The following HSPBP1 variants were observed in gnomAD, a reference collection of about 807,000 sequenced individuals.
HSPBP1 encodes hsp70-binding protein 1.
Under a neutral mutation model 41.7 loss-of-function variants are expected in HSPBP1, and 31 were observed. The ratio of observed to expected loss-of-function variants is 0.74; its 90% CI spans 0.56 to 1.00. The LOEUF is 1.00. HSPBP1 is among the 50% of genes least tolerant of loss of function. HSPBP1 has a pLI of 0.00. For synonymous variants in HSPBP1, 199 were observed against 214.4 expected (o/e 0.93, Z 0.63); for missense variants, 439 against 487.9 (o/e 0.90, Z 0.94).
rs776728065 is a variant in HSPBP1, at chr19:55,274,615, G to A, written c.423C>T (p.Cys141=). The part of the protein sequence containing the change: ...CENMDNAADF[C]QLSGMHLLVG... ...CCAGCAGGTGCATGCCAGACAGCTG[G>A]CAGAAGTCTGTGCCACAGAGGGGAG... The change falls in exon 4 of 8, where the codon TGC becomes TGT. Residue 141 remains cysteine, a synonymous_variant. Coordinates refer to ENST00000433386, the MANE Select transcript of HSPBP1 (RefSeq NM_012267.5). 7.5e-6 allele frequency: 12 copies of A among 1,604,202 alleles called. No homozygotes were observed. The highest frequency in any genetic ancestry group is 1.3e-5 in the African/African-American group (1 of 74,882).
At chr19:55,274,347 A>AC (rs11427517) in intron 4 of HSPBP1, 51 bp downstream of exon 4, 109,153 of 324,062 alleles carry the variant, frequency 0.34, 11,399 homozygotes, top group East Asian at 0.52. Context: ...CCCACCCGGC[A>AC]CCCCCCCCCA....
Position 55,262,385 on chromosome 19 carries a change from T to C in HSPBP1, c.*223A>G. ...AGAAACACCTTTATTGGAAGAGCTG[T>C]GTGGACAAGAGAACGGGGATGAGAG... is the stretch of plus-strand genomic sequence containing the variant. On this transcript the variant is annotated 3_prime_UTR_variant, in exon 8 of 8. Coordinates refer to ENST00000433386, the MANE Select transcript of HSPBP1 (RefSeq NM_012267.5). 1 of 1,374,056 alleles carries C rather than the reference T, an allele frequency of 7.3e-7. No individual in the cohort carries two copies. The highest frequency in any genetic ancestry group is 3.1e-5 in the Admixed American group (1 of 32,580). The allele number at this position is 1,374,056 out of a possible 1,614,324, so 85.1% of individuals were successfully genotyped here.
chr19:55,277,744 G>A lies in HSPBP1; in HGVS notation c.313C>T (p.Pro105Ser), dbSNP rs2088113847. The change falls in exon 3 of 8, where the codon CCC (proline) becomes TCC (serine). Residue 105 changes from proline to serine, a missense_variant. Physicochemically the swap from Pro to Ser is moderately conservative, Grantham distance 74 (BLOSUM62 -1). Transcript: ENST00000433386. ...SCLRVLSQPM[P>S]PTAGEAEQAA... ...TGCTCGGCCTCCCCAGCAGTGGGGG[G>A]CATGGGCTGTGACAGCACTCGGAGG... The A allele has an allele frequency of 6.2e-7, 1 of 1,608,006 alleles. No individual in the cohort carries two copies.
chr19:55,266,254 G>A lies in HSPBP1; in HGVS notation c.673C>T (p.Gln225Ter). Residue 225 changes from glutamine to a stop codon, truncating the protein, a stop_gained, in exon 5 of 8, where the codon CAG becomes TAG. Coordinates refer to ENST00000433386, the MANE Select transcript of HSPBP1 (RefSeq NM_012267.5). LOFTEE classifies it high-confidence loss of function. The part of the protein sequence containing the change: ...LVREQEAGLL[Q>*]FLRLDGFSVL... ...GAGAAGCCGTCCAGGCGGAGGAACT[G>A]CAGCAGCCCAGCCTCCTGCTCTCGG... The A allele has an allele frequency of 1.9e-6, 3 of 1,582,774 alleles. No individual in the cohort carries two copies. The highest frequency in any genetic ancestry group is 2.6e-6 in the Non-Finnish European group (3 of 1,164,822).
intron 3 of HSPBP1, among the ~76,000 whole-genome samples, chr19:55,275,644 T>C (rs2122872850): frequency 6.6e-6 from 1 of 151,916 alleles, no homozygotes. Context: ...TGTTATATAC[T>C]AAAAATACAA....
At chr19:55,269,451 G>T (rs1292198014) in intron 4 of HSPBP1, among the ~76,000 whole-genome samples, 1 of 152,054 alleles carries the variant, frequency 6.6e-6, no homozygotes, top group Non-Finnish European at 1.5e-5. Flanking sequence ...TGGGGGCAGG[G>T]ATCACAGTAT....
intron 7 of HSPBP1, among the ~76,000 whole-genome samples, chr19:55,264,809 C>T (rs1379453828): frequency 1.3e-5 from 2 of 152,172 alleles, no homozygotes; most frequent in Non-Finnish European, 2.9e-5. Context: ...AAATAAACAT[C>T]TGCTGAATGG....
chr19:55,274,408 G>C lies in HSPBP1; in HGVS notation c.630C>G (p.Phe210Leu), dbSNP rs750447388. The C allele has an allele frequency of 3.2e-6, 5 of 1,562,250 alleles. No homozygotes were observed. Among genetic ancestry groups the C allele is most frequent in the Non-Finnish European group, 3.4e-6 (4 of 1,161,626 alleles). ...ACDTVRVKALFAISCLVREQE... is the reference protein window; with the variant it reads ...ACDTVRVKALLAISCLVREQE... ...CACCCGGACACTCACAGGAGATGGCGAAGAGGGCCTTGACGCGCACCGTGT... is the reference window on the plus strand; with the variant it reads ...CACCCGGACACTCACAGGAGATGGCCAAGAGGGCCTTGACGCGCACCGTGT... The change falls in exon 4 of 8, where the codon TTC (phenylalanine) becomes TTG (leucine). Residue 210 changes from phenylalanine to leucine, a missense_variant. Transcript: ENST00000433386.
chr19:55,265,145 C>G, intron 7 of HSPBP1, 133 bp downstream of exon 7: 1 of 603,140 alleles, frequency 1.7e-6, no homozygotes, highest in South Asian at 1.9e-5. Flanking sequence ...CCTCCTGGAG[C>G]CCCTGTCCCC....
intron 3 of HSPBP1, among the ~76,000 whole-genome samples, chr19:55,276,455 G>A (rs146093875): frequency 2.0e-5 from 3 of 152,312 alleles, no homozygotes; most frequent in Admixed American, 1.3e-4. Context: ...CATTAAGACA[G>A]AGAAGATACA....
chr19:55,265,625 T>C (rs1166004366), intron 6 of HSPBP1, among the ~76,000 whole-genome samples: 1 of 151,940 alleles, frequency 6.6e-6, no homozygotes, highest in Non-Finnish European at 1.5e-5. Context: ...TGTTGAGAGC[T>C]CCAGCATCAT....
chr19:55,280,076 T>A lies in HSPBP1; in HGVS notation c.-136A>T, dbSNP rs1442299263. Reference sequence around the variant, plus strand: ...GCCGCCGCTGCTCCTACAGACAAAGTCGTCCGCACCTGACTCTGCTGGGCG... The same window carrying A: ...GCCGCCGCTGCTCCTACAGACAAAGACGTCCGCACCTGACTCTGCTGGGCG... On this transcript the variant is annotated 5_prime_UTR_variant, in exon 1 of 8. Transcript: ENST00000433386. The A allele has an allele frequency of 4.2e-6, 1 of 235,658 alleles. No individual in the cohort carries two copies. Among genetic ancestry groups the A allele is most frequent in the East Asian group, 1.6e-4 (1 of 6,146 alleles). 14.6% of individuals were successfully genotyped at this position (235,658 alleles called of 1,614,324 possible).
rs140649061 is a variant in HSPBP1, at chr19:55,279,535, C to A, written c.74G>T (p.Gly25Val). The A allele has an allele frequency of 0.011, 18,326 of 1,611,420 alleles. 140 individuals are homozygous for A. The highest frequency in any genetic ancestry group is 0.014 in the Non-Finnish European group (16,012 of 1,179,162). ...LPPASQGCSS[G>V]GGGGGSSAGG... is the part of the protein sequence containing the mutation. Reference sequence around the variant, plus strand: ...AGCCGAGGAGCCGCCGCCGCCGCCCCCTGAAGAGCAACCCTGGGAGGCCGG... The same window carrying A: ...AGCCGAGGAGCCGCCGCCGCCGCCCACTGAAGAGCAACCCTGGGAGGCCGG... Residue 25 changes from glycine (G) to valine (V), a missense_variant, in exon 2 of 8, where the codon GGG (glycine) becomes GTG (valine). Coordinates refer to ENST00000433386, the MANE Select transcript of HSPBP1 (RefSeq NM_012267.5).
At chr19:55,279,378 T>G (rs370242138) in intron 2 of HSPBP1, 21 bp downstream of exon 2, 2 of 1,574,188 alleles carry the variant, frequency 1.3e-6, no homozygotes, top group African/African-American at 2.8e-5. Context: ...CACCCCAGCT[T>G]CTTGGGTCCC....
intron 6 of HSPBP1, 105 bp from the exon 7 acceptor site, chr19:55,265,494 T>A: frequency 1.1e-6 from 1 of 869,840 alleles, no homozygotes; most frequent in Non-Finnish European, 1.9e-6. Context: ...GCCTGGCAAG[T>A]CGCTGCCCCA....
chr19:55,271,704 G>A (rs902902579), intron 4 of HSPBP1, among the ~76,000 whole-genome samples: 1 of 152,158 alleles, frequency 6.6e-6, no homozygotes. Context: ...AGAGAAAGAG[G>A]GTGTTGGACC....
rs767671307 is a variant in HSPBP1 at position 55,274,407 on chromosome 19, C to T, written c.631G>A (p.Ala211Thr). ...CCACCCGGACACTCACAGGAGATGG[C>T]GAAGAGGGCCTTGACGCGCACCGTG... ...CDTVRVKALF[A>T]ISCLVREQEA... The change falls in exon 4 of 8, where the codon GCC becomes ACC. Residue 211 changes from alanine to threonine, a missense_variant. Coordinates refer to ENST00000433386, the MANE Select transcript of HSPBP1 (RefSeq NM_012267.5). The T allele has an allele frequency of 9.4e-6, 12 of 1,280,826 alleles. No individual in the cohort carries two copies. The highest frequency in any genetic ancestry group is 2.4e-5 in the Admixed American group (1 of 41,826). The allele number at this position is 1,280,826 out of a possible 1,614,324, so 79.3% of individuals were successfully genotyped here.
chr19:55,265,341 T>G lies in HSPBP1; in HGVS notation c.942A>C (p.Glu314Asp). Reference protein sequence around the residue: ...PQGVRECREPELGLEELLRHR... With the variant: ...PQGVRECREPDLGLEELLRHR... The stretch of plus-strand genomic sequence containing the variant: ...GGCGGAGGAGCTCCTCCAGGCCCAG[T>G]TCCGGCTCCCGACACTCGCGCACAC... The change falls in exon 7 of 8, where the codon GAA (glutamate) becomes GAC (aspartate). Residue 314 changes from glutamate (E) to aspartate (D), a missense_variant. Physicochemically the swap from Glu to Asp is conservative, Grantham distance 45. Transcript: ENST00000433386. The G allele has an allele frequency of 6.2e-7, 1 of 1,609,618 alleles. No homozygotes were observed. Among genetic ancestry groups the G allele is most frequent in the Non-Finnish European group, 8.5e-7 (1 of 1,177,824 alleles).
In HSPBP1 at chr19:55,262,411, T is replaced by A; in HGVS notation, c.*197A>T. The A allele has an allele frequency of 7.2e-7, 1 of 1,397,954 alleles. No homozygotes were observed. The highest frequency in any genetic ancestry group is 1.6e-5 in the South Asian group (1 of 61,774). 86.6% of individuals were successfully genotyped at this position (1,397,954 alleles called of 1,614,324 possible). On this transcript the variant is annotated 3_prime_UTR_variant, in exon 8 of 8. Transcript: ENST00000433386. ...GTGGACAAGAGAACGGGGATGAGAGTGAGAGCATGGGAGGTGGGGTCCAAG... is the reference window on the plus strand; with the variant it reads ...GTGGACAAGAGAACGGGGATGAGAGAGAGAGCATGGGAGGTGGGGTCCAAG...
Sources: gnomAD v4.1 joint callset for allele counts (sites outside exome capture counted in the v4.1 genomes callset) on GRCh38, gnomAD v4.1.1 for gene constraint, MANE v1.5 for transcripts, NCBI Gene and HGNC (gene_info 2026-07-23, HGNC 2026-07-21) for gene names.